TCF7L2: variants seen among roughly 807,000 people sequenced by gnomAD.
TCF7L2 encodes transcription factor 7 like 2, also known as transcription factor 7-like 2.
In TCF7L2, 23 loss-of-function variants were observed where a neutral mutation model predicts 77.9. The observed-to-expected ratio is 0.30, with a 90% CI of 0.21 to 0.42. The LOEUF (loss-of-function observed/expected upper bound fraction) is 0.42, where lower values mean the gene tolerates loss of function less well. TCF7L2 is among the 10% of genes least tolerant of loss of function. The probability of loss-of-function intolerance (pLI) is 1.00; values close to 1 mark genes in which losing one functional copy is unlikely to be tolerated. For synonymous variants in TCF7L2, 413 were observed against 340.2 expected (o/e 1.21, Z -2.36); for missense variants, 654 against 793.1 (o/e 0.82, Z 2.11).
chr10:113,010,788 C>T (rs1317307434), intron 4 of TCF7L2, among the ~76,000 whole-genome samples: 2 of 152,172 alleles, frequency 1.3e-5, no homozygotes, highest in Admixed American at 6.5e-5. Flanking sequence ...CCGAGGTGGA[C>T]AGATCTCTTG....
At chr10:113,126,731 C>T (rs1355806924) in intron 5 of TCF7L2, 1 of 985,806 alleles carries the variant, frequency 1.0e-6, no homozygotes, top group South Asian at 4.7e-5. Context: ...TCCCCTGTGC[C>T]GCGGGTGCGC....
chr10:113,019,254 C>T (rs12762233), intron 4 of TCF7L2, among the ~76,000 whole-genome samples: 9,140 of 152,262 alleles, frequency 0.06, 290 homozygotes, highest in Non-Finnish European at 0.071. Flanking sequence ...GTTGAGGCTG[C>T]CGTTCTGGTG....
chr10:113,087,175 C>A (rs2059925081), intron 5 of TCF7L2, among the ~76,000 whole-genome samples: 1 of 152,148 alleles, frequency 6.6e-6, no homozygotes, highest in Non-Finnish European at 1.5e-5. Flanking sequence ...TAGATCTGTA[C>A]AGAGAGGTTG....
intron 4 of TCF7L2, among the ~76,000 whole-genome samples, chr10:113,031,732 G>A (rs1030305171): frequency 2.6e-5 from 4 of 151,980 alleles, no homozygotes; most frequent in East Asian, 3.9e-4. Context: ...AAAGTGATCC[G>A]CCCACCTCTG....
chr10:113,092,141 C>T (rs2060470801), intron 5 of TCF7L2, among the ~76,000 whole-genome samples: 2 of 152,212 alleles, frequency 1.3e-5, no homozygotes, highest in African/African-American at 4.8e-5. Context: ...TTCCTTATAA[C>T]TCAAGGTCTA....
At chr10:113,100,430 T>A (rs1399707823) in intron 5 of TCF7L2, among the ~76,000 whole-genome samples, 1 of 152,172 alleles carries the variant, frequency 6.6e-6, no homozygotes, top group Non-Finnish European at 1.5e-5. Flanking sequence ...GCCATTTGAT[T>A]GACGTCGGAA....
rs548888370 is a variant in TCF7L2, at chr10:113,079,424, G to T, written c.552+39298G>T. Among the ~76,000 whole-genome samples, 112 of 152,212 alleles carry T rather than the reference G, an allele frequency of 7.4e-4. 1 individual carries two copies. Among genetic ancestry groups the T allele is most frequent in the East Asian group, 7.7e-4 (4 of 5,166 alleles). On this transcript the variant is annotated intron_variant, in intron 5 of 13. Transcript: ENST00000627217. Reference sequence around the variant, plus strand: ...ATCAGTTCTGATCGCCACCCTGCAGGGCTGTTTTTGGCATTTTAATGTCCC... The same window carrying T: ...ATCAGTTCTGATCGCCACCCTGCAGTGCTGTTTTTGGCATTTTAATGTCCC...
chr10:113,087,640 G>T (rs558882605), intron 5 of TCF7L2, among the ~76,000 whole-genome samples: 1 of 152,164 alleles, frequency 6.6e-6, no homozygotes, highest in African/African-American at 2.4e-5. Flanking sequence ...TAGACCTCCA[G>T]GGGTGGAGAA....
At chr10:113,001,692 C>T (rs1167522876) in intron 4 of TCF7L2, among the ~76,000 whole-genome samples, 1 of 152,136 alleles carries the variant, frequency 6.6e-6, no homozygotes. Context: ...AACACATACA[C>T]AGCAAACCAA....
chr10:112,962,781 T>C (rs1408058611), intron 3 of TCF7L2, among the ~76,000 whole-genome samples: 1 of 152,140 alleles, frequency 6.6e-6, no homozygotes, highest in Non-Finnish European at 1.5e-5. Flanking sequence ...GTATTCTTGG[T>C]AGAGACGGGG....
chr10:113,051,789 A>C (rs989383388), intron 5 of TCF7L2, among the ~76,000 whole-genome samples: 1 of 152,142 alleles, frequency 6.6e-6, no homozygotes, highest in African/African-American at 2.4e-5. Context: ...GGTATCTCAG[A>C]GTTTTCTTTT....
chr10:113,037,688 C>G (rs1314507725), intron 4 of TCF7L2, among the ~76,000 whole-genome samples: 4 of 152,182 alleles, frequency 2.6e-5, no homozygotes, highest in Non-Finnish European at 5.9e-5. Context: ...TCACCTTCAA[C>G]AAAGCCCGAG....
At chr10:113,050,873 T>C (rs555313914) in intron 5 of TCF7L2, among the ~76,000 whole-genome samples, 1 of 152,302 alleles carries the variant, frequency 6.6e-6, no homozygotes, top group South Asian at 2.1e-4. Context: ...ATTATTATGC[T>C]TTTTTCTTAA....
intron 4 of TCF7L2, among the ~76,000 whole-genome samples, chr10:112,995,879 G>T (rs958710946): frequency 1.3e-5 from 2 of 152,112 alleles, no homozygotes; most frequent in African/African-American, 4.8e-5. Flanking sequence ...CATCTTCATT[G>T]TCTAGGGGCT....
intron 5 of TCF7L2, among the ~76,000 whole-genome samples, chr10:113,140,000 C>A (rs957002743): frequency 1.3e-5 from 2 of 152,116 alleles, no homozygotes; most frequent in Non-Finnish European, 2.9e-5. Flanking sequence ...AATGAAGACA[C>A]GTTCTGAAAT....
rs1160133405 is a variant in TCF7L2 at position 113,065,168 on chromosome 10, T to C, written c.552+25042T>C. Among the ~76,000 whole-genome samples the C allele has an allele frequency of 2.6e-5, 4 of 152,242 alleles. No individual in the cohort carries two copies. The East Asian group carries it at 7.7e-4, about 29-fold the overall frequency. ...CCGCTCTGGTACCAGCTACTCCTAG[T>C]ACCCAGTGCAGGCAAGGTGTTTAGT... is the stretch of plus-strand genomic sequence containing the variant. On this transcript the variant is annotated intron_variant, in intron 5 of 13. Transcript: ENST00000627217.
In TCF7L2 at chr10:112,950,360, C is replaced by CA; in HGVS notation, c.-396dup. On this transcript the variant is annotated 5_prime_UTR_variant, in exon 1 of 14. Coordinates refer to ENST00000627217, the MANE Select transcript of TCF7L2 (RefSeq NM_001146274.2). ...AAAAGCTCTCAGTCTAACTTCAACT[C>CA]ACTCAAATCCGAGCGGCACGAGCAC... 1 of 257,544 alleles carries CA rather than the reference C, an allele frequency of 3.9e-6. No homozygotes were observed. The highest frequency in any genetic ancestry group is 7.5e-6 in the Non-Finnish European group (1 of 133,566). The allele number at this position is 257,544 out of a possible 1,614,324, so 16.0% of individuals were successfully genotyped here. A position where few individuals can be genotyped will look rare whatever the true frequency, so the allele number is the denominator to read the frequency against.
At chr10:112,971,072 G>GAAT (rs2038138648) in intron 4 of TCF7L2, among the ~76,000 whole-genome samples, 1 of 152,192 alleles carries the variant, frequency 6.6e-6, no homozygotes, top group Non-Finnish European at 1.5e-5. Context: ...TACCTCAGAA[G>GAAT]AATGTTCATT....
At chr10:112,972,713 C>T (rs528432901) in intron 4 of TCF7L2, among the ~76,000 whole-genome samples, 6 of 152,294 alleles carry the variant, frequency 3.9e-5, no homozygotes, top group South Asian at 2.1e-4. Flanking sequence ...TCAAGCTCTC[C>T]GCCTGCCTTA....
Sources: gnomAD v4.1 joint callset for allele counts (sites outside exome capture counted in the v4.1 genomes callset) on GRCh38, gnomAD v4.1.1 for gene constraint, MANE v1.5 for transcripts, NCBI Gene and HGNC (gene_info 2026-07-23, HGNC 2026-07-21) for gene names.